LARGE1: variants seen among roughly 807,000 people sequenced by gnomAD.
LARGE1 encodes LARGE xylosyl- and glucuronyltransferase 1, also known as xylosyl- and glucuronyltransferase LARGE1.
Under a neutral mutation model 87.6 loss-of-function variants are expected in LARGE1, and 43 were observed. The ratio of observed to expected loss-of-function variants is 0.49; its 90% CI spans 0.38 to 0.63. The LOEUF is 0.63. Ranked by LOEUF, LARGE1 falls within the 30% of genes least tolerant of loss-of-function variation. The pLI, the probability that LARGE1 is intolerant of heterozygous loss-of-function variation, is 0.00. For missense variants in LARGE1, 802 were observed against 1,000.2 expected (o/e 0.80, Z 2.67); for synonymous variants, 434 against 394.6 (o/e 1.10, Z -1.18).
At chr22:33,822,521 AAGCC>A (rs1327392129) in intron 1 of LARGE1, among the ~76,000 whole-genome samples, 4 of 152,222 alleles carry the variant, frequency 2.6e-5, no homozygotes, top group Non-Finnish European at 5.9e-5. Context: ...CAACATGGTG[AAGCC>A]CCATCTCTAC....
At chr22:33,563,933 T>C (rs1353048859) in intron 6 of LARGE1, among the ~76,000 whole-genome samples, 1 of 151,664 alleles carries the variant, frequency 6.6e-6, no homozygotes, top group African/African-American at 2.4e-5. Context: ...TTACTCTCTG[T>C]TCATGAATAG....
At chr22:33,544,753 G>A (rs2077308017) in intron 6 of LARGE1, among the ~76,000 whole-genome samples, 1 of 152,058 alleles carries the variant, frequency 6.6e-6, no homozygotes, top group African/African-American at 2.4e-5. Flanking sequence ...AAGCCTTGGC[G>A]TAATGCTTAC....
At chr22:33,300,449 C>T (rs1308350441) in intron 12 of LARGE1, among the ~76,000 whole-genome samples, 1 of 152,234 alleles carries the variant, frequency 6.6e-6, no homozygotes, top group Admixed American at 6.5e-5. Context: ...AATCATGGCT[C>T]ACTCTAGCTT....
chr22:33,324,787 C>G (rs557498976), intron 10 of LARGE1, among the ~76,000 whole-genome samples: 1 of 152,124 alleles, frequency 6.6e-6, no homozygotes, highest in African/African-American at 2.4e-5. Context: ...AACTGAAAAG[C>G]GAGACCTGAT....
chr22:33,348,992 G>GT (rs1940094416), intron 9 of LARGE1, among the ~76,000 whole-genome samples: 1 of 152,154 alleles, frequency 6.6e-6, no homozygotes, highest in Non-Finnish European at 1.5e-5. Context: ...CTGCCGCCAT[G>GT]TAAGACATGC....
intron 6 of LARGE1, among the ~76,000 whole-genome samples, chr22:33,550,723 A>G (rs1002123018): frequency 3.9e-5 from 6 of 152,222 alleles, no homozygotes; most frequent in Non-Finnish European, 7.3e-5. Flanking sequence ...AGAAATCATT[A>G]TATAAGAAAG....
intron 2 of LARGE1, among the ~76,000 whole-genome samples, chr22:33,748,596 G>A (rs767847084): frequency 2.6e-4 from 39 of 152,156 alleles, no homozygotes; most frequent in Admixed American, 2.6e-3. Flanking sequence ...TTTGCGGTAA[G>A]AGAGGTTAAG....
At position 33,277,129 on chromosome 22, in the gene LARGE1, C is replaced by T. The variant is rs368231947; in HGVS notation, c.2004G>A (p.Pro668=). ...EPYVVVRRDC[P]EYDRRFVGFG... ...AGCCTACAAACCTCCGGTCGTACTC[C>T]GGGCAGTCACGTCTCACAACAACAT... Residue 668 remains proline (P), a synonymous_variant, in exon 14 of 15, where the codon CCG becomes CCA. Coordinates refer to ENST00000397394, the MANE Select transcript of LARGE1 (RefSeq NM_133642.5). The T allele has an allele frequency of 9.3e-5, 150 of 1,614,254 alleles. No homozygotes were observed. The highest frequency in any genetic ancestry group is 7.2e-4 in the African/African-American group (54 of 75,072).
chr22:33,850,576 GTATTAT>G (rs1371051817), intron 1 of LARGE1, among the ~76,000 whole-genome samples: 26 of 152,176 alleles, frequency 1.7e-4, no homozygotes, highest in Non-Finnish European at 3.5e-4. Context: ...ACAGACAGTC[GTATTAT>G]TATTATTACC....
At chr22:33,671,309 C>A (rs144614604) in intron 2 of LARGE1, among the ~76,000 whole-genome samples, 3 of 152,338 alleles carry the variant, frequency 2.0e-5, no homozygotes, top group Non-Finnish European at 4.4e-5. Context: ...CTGCTGAGTC[C>A]ATACTGAGTG....
chr22:33,678,611 C>G (rs1266859997), intron 2 of LARGE1, among the ~76,000 whole-genome samples: 1 of 152,180 alleles, frequency 6.6e-6, no homozygotes, highest in Non-Finnish European at 1.5e-5. Flanking sequence ...GTTCTATTTT[C>G]AGCACTGGCA....
chr22:33,323,854 A>G (rs576504866), intron 10 of LARGE1, among the ~76,000 whole-genome samples: 2 of 152,268 alleles, frequency 1.3e-5, no homozygotes, highest in African/African-American at 4.8e-5. Flanking sequence ...TATATTATGT[A>G]CCTTTTCAAA....
chr22:33,256,383 C>T (rs1927268309), intron 11 of LARGE1, among the ~76,000 whole-genome samples: 1 of 152,144 alleles, frequency 6.6e-6, no homozygotes, highest in East Asian at 1.9e-4. Context: ...AAATGGGCAC[C>T]AGGAGTGTGA....
intron 2 of LARGE1, among the ~76,000 whole-genome samples, chr22:33,736,132 T>A (rs182597572): frequency 6.6e-6 from 1 of 152,360 alleles, no homozygotes; most frequent in Admixed American, 6.5e-5. Context: ...AGAACCTGTT[T>A]TCAGTTCCTT....
intron 11 of LARGE1, among the ~76,000 whole-genome samples, chr22:33,183,602 A>ACACACACACACACACACG (rs1491572761): frequency 1.2e-4 from 8 of 65,852 alleles, no homozygotes; most frequent in East Asian, 1.0e-3. Context: ...GATGGATAAA[A>ACACACACACACACACACG]CACACACACA....
intron 6 of LARGE1, among the ~76,000 whole-genome samples, chr22:33,478,283 C>T: frequency 6.6e-6 from 1 of 152,204 alleles, no homozygotes; most frequent in East Asian, 1.9e-4. Flanking sequence ...ATAGTCTCTT[C>T]TTTGAGCTTC....
chr22:33,515,539 A>G lies in LARGE1; in HGVS notation c.787+49309T>C, dbSNP rs13053432. ...CATTTTCACAGGGAGCAGAAAATAGACAGCCAGGACGATCTTTCCCAGAAC... is the reference window on the plus strand; with the variant it reads ...CATTTTCACAGGGAGCAGAAAATAGGCAGCCAGGACGATCTTTCCCAGAAC... On this transcript the variant is annotated intron_variant, in intron 6 of 14. Coordinates refer to ENST00000397394, the MANE Select transcript of LARGE1 (RefSeq NM_133642.5). Among the ~76,000 whole-genome samples, 475 of 152,312 alleles carry G rather than the reference A, an allele frequency of 3.1e-3. 3 individuals are homozygous for G. Among genetic ancestry groups the G allele is most frequent in the Non-Finnish European group, 4.0e-3 (269 of 68,028 alleles).
chr22:33,438,418 A>G (rs1197806165), intron 6 of LARGE1, among the ~76,000 whole-genome samples: 1 of 152,200 alleles, frequency 6.6e-6, no homozygotes, highest in East Asian at 1.9e-4. Context: ...GCTGTTCTCC[A>G]TCTTCCTTAG....
intron 2 of LARGE1, among the ~76,000 whole-genome samples, chr22:33,652,375 CTTA>C (rs2080846793): frequency 6.6e-6 from 1 of 152,068 alleles, no homozygotes; most frequent in Admixed American, 6.5e-5. Context: ...AAAACAAACA[CTTA>C]TTAGTATAAA....
Sources: allele counts gnomAD v4.1 joint callset (sites outside exome capture counted in the v4.1 genomes callset), GRCh38; gene constraint gnomAD v4.1.1; transcripts MANE v1.5; gene names NCBI Gene and HGNC (gene_info 2026-07-23, HGNC 2026-07-21).